The following SLC24A4 variants were observed in gnomAD, a reference collection of about 807,000 sequenced individuals.
SLC24A4 encodes the protein solute carrier family 24 member 4, also known as sodium/potassium/calcium exchanger 4.
In SLC24A4, 53 loss-of-function variants were observed where a neutral mutation model predicts 79.0. The ratio of observed to expected loss-of-function variants is 0.67; its 90% confidence interval spans 0.54 to 0.84. The LOEUF (loss-of-function observed/expected upper bound fraction) is 0.84. Ranked by LOEUF, SLC24A4 falls within the 40% of genes least tolerant of loss-of-function variation. The probability of loss-of-function intolerance (pLI) is 0.00; values close to 1 mark genes in which losing one functional copy is unlikely to be tolerated. For missense variants in SLC24A4, 731 were observed against 822.0 expected, an observed-to-expected ratio of 0.89 and a Z score of 1.35; for synonymous variants, 323 against 323.8, an observed-to-expected ratio of 1.00 and a Z score of 0.03.
intron 2 of SLC24A4, among the ~76,000 whole-genome samples, chr14:92,433,373 C>T (rs906475026): frequency 1.3e-5 from 2 of 152,208 alleles, no homozygotes; most frequent in African/African-American, 2.4e-5. Flanking sequence ...ATTATTTCCA[C>T]ATCTTGGCTG....
Position 92,443,466 on chromosome 14 carries a change from C to T in SLC24A4, c.649C>T (p.Leu217Phe). ...SVYYTISVIV[L>F]IVFIYDEQIV... ...GTACTACACCATCTCTGTCATCGTG[C>T]TCATCGTGGTGAGTTGCCCCTCTGC... Residue 217 changes from leucine to phenylalanine, a missense_variant, in exon 7 of 17, where the codon CTC (leucine) becomes TTC (phenylalanine). Coordinates refer to ENST00000532405, the MANE Select transcript of SLC24A4 (RefSeq NM_153646.4). 1.2e-6 allele frequency: 2 copies of T among 1,614,180 alleles called. No individual in the cohort carries two copies. The highest frequency in any genetic ancestry group is 1.7e-6 in the Non-Finnish European group (2 of 1,180,016).
At chr14:92,324,418 C>T (rs1885004123) in intron 1 of SLC24A4, among the ~76,000 whole-genome samples, 1 of 152,222 alleles carries the variant, frequency 6.6e-6, no homozygotes, top group Non-Finnish European at 1.5e-5. Flanking sequence ...GGTGTTTGTT[C>T]TTCCCAAACC....
chr14:92,387,594 G>A (rs1258780676), intron 2 of SLC24A4, among the ~76,000 whole-genome samples: 1 of 152,208 alleles, frequency 6.6e-6, no homozygotes. Context: ...CACTGTAAAT[G>A]TGCAGTTCAG....
At chr14:92,408,566 G>A in intron 2 of SLC24A4, 1 of 294,096 alleles carries the variant, frequency 3.4e-6, no homozygotes, top group Non-Finnish European at 5.1e-6. Flanking sequence ...ATGGGTTCTG[G>A]CTGTCCTGTT....
At chr14:92,415,064 C>CGAT (rs1361971664) in intron 2 of SLC24A4, among the ~76,000 whole-genome samples, 1 of 121,798 alleles carries the variant, frequency 8.2e-6, no homozygotes, top group African/African-American at 3.3e-5. Context: ...GGTTGAAAGG[C>CGAT]GACGGTTCAC....
intron 12 of SLC24A4, among the ~76,000 whole-genome samples, chr14:92,474,843 GTA>G (rs1555374575): frequency 1.4e-3 from 33 of 23,884 alleles, no homozygotes; most frequent in African/African-American, 2.5e-3. Context: ...GTGTGTGTGT[GTA>G]TATATATATA....
chr14:92,477,446 CT>C (rs1327124781), intron 12 of SLC24A4, among the ~76,000 whole-genome samples: 1 of 151,878 alleles, frequency 6.6e-6, no homozygotes, highest in African/African-American at 2.4e-5. Context: ...CTATCTTTTC[CT>C]TTTTTTGTTG....
chr14:92,396,298 A>G (rs903547888), intron 2 of SLC24A4, among the ~76,000 whole-genome samples: 2 of 152,184 alleles, frequency 1.3e-5, no homozygotes, highest in African/African-American at 4.8e-5. Flanking sequence ...AGGCTTGTGT[A>G]TATTTTAATT....
chr14:92,462,112 C>T (rs1183013390), intron 12 of SLC24A4: 2 of 152,240 alleles, frequency 1.3e-5, no homozygotes, highest in Non-Finnish European at 2.9e-5. Flanking sequence ...GGTAGGGAGT[C>T]ACTTTTCCAC....
chr14:92,491,543 T>G (rs1895671390), intron 14 of SLC24A4, 122 bp from the exon 15 acceptor site: 1 of 695,608 alleles, frequency 1.4e-6, no homozygotes, highest in East Asian at 2.6e-5. Flanking sequence ...GGTTTAGAAA[T>G]GTAAGGTCCT....
intron 13 of SLC24A4, among the ~76,000 whole-genome samples, chr14:92,486,062 G>A (rs767497827): frequency 1.4e-4 from 22 of 152,162 alleles, no homozygotes; most frequent in Non-Finnish European, 1.6e-4. Context: ...ATGTCCTGGT[G>A]AGGCTCCAGC....
chr14:92,433,975 T>C lies in SLC24A4; in HGVS notation c.305T>C (p.Leu102Pro). The change falls in exon 3 of 17, where the codon CTG becomes CCG. Residue 102 changes from leucine to proline, a missense_variant. Transcript: ENST00000532405. ...NKERQHGAVL[L>P]HILGALYMFY... ...GAGCGACAGCACGGAGCCGTCCTGC[T>C]GCACATCCTTGGTGTAAGTCGTCCT... 3.7e-6 allele frequency: 6 copies of C among 1,614,174 alleles called. No homozygotes were observed. The highest frequency in any genetic ancestry group is 5.1e-6 in the Non-Finnish European group (6 of 1,179,958).
In SLC24A4 at chr14:92,324,124, G is replaced by A. The variant is rs1051745020; in HGVS notation, c.130+164G>A. On this transcript the variant is annotated intron_variant, in intron 1 of 16. Transcript: ENST00000532405. The stretch of plus-strand genomic sequence containing the variant: ...CAGGTAGAGCGCGCCCAGAAGAGCT[G>A]ATGGACGCTCTGGGCTGTGGCGCCG... Among the ~76,000 whole-genome samples, 3 of 152,346 alleles carry A rather than the reference G, an allele frequency of 2.0e-5. No homozygotes were observed. The East Asian group carries it at 5.8e-4, about 29-fold the overall frequency.
chr14:92,443,427 T>A lies in SLC24A4; in HGVS notation c.610T>A (p.Cys204Ser). The change falls in exon 7 of 17, where the codon TGC (cysteine) becomes AGC (serine). Residue 204 changes from cysteine to serine, a missense_variant. Transcript: ENST00000532405. ...QVVRLTWWAVCRDSVYYTISV... is the reference protein window; with the variant it reads ...QVVRLTWWAVSRDSVYYTISV... ...GGTCCGTCTGACGTGGTGGGCCGTG[T>A]GCCGAGACTCCGTGTACTACACCAT... is the stretch of plus-strand genomic sequence containing the variant. 6.2e-7 allele frequency: 1 copy of A among 1,614,170 alleles called. No homozygotes were observed. Among genetic ancestry groups the A allele is most frequent in the Non-Finnish European group, 8.5e-7 (1 of 1,180,018 alleles).
chr14:92,482,868 T>C, intron 13 of SLC24A4, 22 bp downstream of exon 13: 1 of 1,595,904 alleles, frequency 6.3e-7, no homozygotes, highest in Non-Finnish European at 8.5e-7. Context: ...GAGCAGGGGG[T>C]GGACTGTGTG....
At chr14:92,477,025 T>C (rs1894800491) in intron 12 of SLC24A4, among the ~76,000 whole-genome samples, 1 of 152,232 alleles carries the variant, frequency 6.6e-6, no homozygotes, top group Non-Finnish European at 1.5e-5. Flanking sequence ...GAGTAAAAGT[T>C]TTGGTATGGA....
In SLC24A4 at chr14:92,414,104, C is replaced by T. The variant is rs760449160; in HGVS notation, c.242-19808C>T. Among the ~76,000 whole-genome samples, 55 of 152,076 alleles carry T rather than the reference C, an allele frequency of 3.6e-4. 1 individual carries two copies. Among genetic ancestry groups the T allele is most frequent in the Admixed American group, 3.3e-4 (5 of 15,274 alleles). On this transcript the variant is annotated intron_variant, in intron 2 of 16. Coordinates refer to ENST00000532405, the MANE Select transcript of SLC24A4 (RefSeq NM_153646.4). Reference sequence around the variant, plus strand: ...CAGGCAGGCATCAGTGTTCAGTGGGCAAAGACAGCAGCCATCATTTTAACC... The same window carrying T: ...CAGGCAGGCATCAGTGTTCAGTGGGTAAAGACAGCAGCCATCATTTTAACC...
At chr14:92,425,962 G>C (rs1290943321) in intron 2 of SLC24A4, among the ~76,000 whole-genome samples, 3 of 152,126 alleles carry the variant, frequency 2.0e-5, no homozygotes, top group Admixed American at 6.5e-5. Flanking sequence ...CAGCCTGGGT[G>C]ACAGAGTGAG....
intron 12 of SLC24A4, among the ~76,000 whole-genome samples, chr14:92,468,036 A>C (rs1894219293): frequency 6.6e-6 from 1 of 152,282 alleles, no homozygotes; most frequent in Admixed American, 6.5e-5. Flanking sequence ...ATCCTAAGGA[A>C]CCCACACAAA....
Sources: allele counts gnomAD v4.1 joint callset (sites outside exome capture counted in the v4.1 genomes callset), GRCh38; gene constraint gnomAD v4.1.1; transcripts MANE v1.5; gene names NCBI Gene and HGNC (gene_info 2026-07-23, HGNC 2026-07-21).